The following AXDND1 variants were observed in gnomAD, a reference collection of about 807,000 sequenced individuals.
The protein encoded by AXDND1 is axonemal dynein light chain domain containing 1, also known as axonemal dynein light chain domain-containing protein 1.
A neutral mutation model predicts 137.5 loss-of-function variants in AXDND1; 110 were observed. The observed-to-expected ratio is 0.80, with a 90% CI of 0.69 to 0.94. The LOEUF is 0.94. Ranked by LOEUF, AXDND1 falls within the 40% of genes least tolerant of loss-of-function variation. The pLI, the probability that AXDND1 is intolerant of heterozygous loss-of-function variation, is 0.00. For synonymous variants in AXDND1, 414 were observed against 399.7 expected, an observed-to-expected ratio of 1.04 and a Z score of -0.43; for missense variants, 1,191 against 1,169.8, an observed-to-expected ratio of 1.02 and a Z score of -0.26.
chr1:179,481,914 T>C (rs1025864729), intron 17 of AXDND1, among the ~76,000 whole-genome samples: 22 of 152,306 alleles, frequency 1.4e-4, no homozygotes, highest in Middle Eastern at 3.4e-3. Context: ...TTCTTCTAGT[T>C]GTCTTAGTGC....
chr1:179,536,340 T>G (rs1440241316), intron 25 of AXDND1, among the ~76,000 whole-genome samples: 1 of 152,222 alleles, frequency 6.6e-6, no homozygotes, highest in Non-Finnish European at 1.5e-5. Flanking sequence ...TTTTTATGGT[T>G]TTAGGTCTTA....
At chr1:179,505,806 G>A (rs998575582) in intron 20 of AXDND1, among the ~76,000 whole-genome samples, 4 of 152,122 alleles carry the variant, frequency 2.6e-5, no homozygotes, top group African/African-American at 7.2e-5. Context: ...GGATTATCTA[G>A]TTCCCCAAGA....
chr1:179,416,185 A>C (rs538290848), intron 12 of AXDND1, among the ~76,000 whole-genome samples: 1 of 152,216 alleles, frequency 6.6e-6, no homozygotes, highest in Non-Finnish European at 1.5e-5. Context: ...GATACTTGCA[A>C]TCTTTGTCTT....
At chr1:179,492,816 T>G in intron 19 of AXDND1, 39 bp from the exon 20 acceptor site, 2 of 1,394,544 alleles carry the variant, frequency 1.4e-6, no homozygotes, top group Non-Finnish European at 2.0e-6. Context: ...GAGTGTGTAT[T>G]TGCTCTTTTT....
chr1:179,452,389 C>A (rs1175632769), intron 16 of AXDND1: 1 of 152,254 alleles, frequency 6.6e-6, no homozygotes, highest in African/African-American at 2.4e-5. Flanking sequence ...CCTGACAATG[C>A]GATAGAAAAG....
chr1:179,489,248 T>C (rs1425177755), intron 18 of AXDND1, among the ~76,000 whole-genome samples: 3 of 133,848 alleles, frequency 2.2e-5, no homozygotes, highest in Non-Finnish European at 5.1e-5. Flanking sequence ...TTACATATCT[T>C]TAGGAAAGTA....
rs199753342 is a variant in AXDND1, at chr1:179,551,185, A to G, written c.3032-3327A>G. The G allele has an allele frequency of 2.5e-6, 4 of 1,613,850 alleles. No individual in the cohort carries two copies. In the African/African-American group the frequency reaches 5.3e-5, roughly 22 times the overall value. On this transcript the variant is annotated intron_variant, in intron 25 of 25. Transcript: ENST00000367618. The stretch of plus-strand genomic sequence containing the variant: ...TGCCCCATCCTTCCTATAACATGGG[A>G]GAGTCTTTCTTTTTAGGATTTAGTG...
Position 179,445,154 on chromosome 1 carries a change from A to G in AXDND1, c.1748A>G (p.Asn583Ser), listed in dbSNP as rs780934842. The change falls in exon 16 of 26, where the codon AAC (asparagine) becomes AGC (serine). Residue 583 changes from asparagine (N) to serine (S), a missense_variant. Asn to Ser is a conservative substitution (Grantham distance 46, BLOSUM62 1). Coordinates refer to ENST00000367618, the MANE Select transcript of AXDND1 (RefSeq NM_144696.6). The stretch of plus-strand genomic sequence containing the variant: ...CAGTACATGGAGGAAATTATCAAAA[A>G]CATACAAAAACTCTACAAAGAATAT... ...ERQYMEEIIK[N>S]IQKLYKEYEI... 8.7e-6 allele frequency: 14 copies of G among 1,610,680 alleles called. No homozygotes were observed. The South Asian group carries it at 1.4e-4, about 17-fold the overall frequency.
At chr1:179,478,024 C>T (rs1242546695) in intron 17 of AXDND1, among the ~76,000 whole-genome samples, 2 of 152,192 alleles carry the variant, frequency 1.3e-5, no homozygotes, top group Admixed American at 6.5e-5. Context: ...CCATGTCTCA[C>T]ATCTGGGTCA....
intron 9 of AXDND1, among the ~76,000 whole-genome samples, chr1:179,391,963 C>T (rs1387190776): frequency 6.6e-6 from 1 of 152,170 alleles, no homozygotes; most frequent in Non-Finnish European, 1.5e-5. Flanking sequence ...TTCCTGAGGC[C>T]TCCCCAGCTC....
At chr1:179,553,258 T>C (rs781217147) in intron 25 of AXDND1, among the ~76,000 whole-genome samples, 9 of 152,214 alleles carry the variant, frequency 5.9e-5, no homozygotes, top group Non-Finnish European at 1.2e-4. Flanking sequence ...TACTTCTAGA[T>C]ACAGACCCAA....
intron 16 of AXDND1, chr1:179,448,148 A>G (rs1278797040): frequency 8.3e-6 from 8 of 960,870 alleles, no homozygotes; most frequent in Non-Finnish European, 1.4e-5. Flanking sequence ...CACATGAAGT[A>G]TCAGGGTCTG....
At chr1:179,539,865 T>C (rs991251170) in intron 25 of AXDND1, among the ~76,000 whole-genome samples, 1 of 152,176 alleles carries the variant, frequency 6.6e-6, no homozygotes, top group Non-Finnish European at 1.5e-5. Flanking sequence ...TAGTCCCATA[T>C]TTCTTGGAGG....
At chr1:179,522,908 T>C (rs766027426) in intron 21 of AXDND1, among the ~76,000 whole-genome samples, 30 of 150,210 alleles carry the variant, frequency 2.0e-4, no homozygotes, top group South Asian at 4.3e-4. Flanking sequence ...TATAAAGTAT[T>C]TTGTTATATG....
At chr1:179,403,479 G>A (rs1041853446) in intron 11 of AXDND1, among the ~76,000 whole-genome samples, 1 of 152,340 alleles carries the variant, frequency 6.6e-6, no homozygotes, top group African/African-American at 2.4e-5. Context: ...TACTAAACGT[G>A]ATGGAAATTA....
intron 25 of AXDND1, 57 bp from the exon 26 acceptor site, chr1:179,554,455 G>C (rs770604019): frequency 1.4e-5 from 22 of 1,613,792 alleles, no homozygotes; most frequent in Middle Eastern, 3.3e-4. Flanking sequence ...TACAGTTCTT[G>C]CTAGTTAATT....
At position 179,432,255 on chromosome 1, in the gene AXDND1, TCTTC is replaced by T. The variant is rs751681285; in HGVS notation, c.1488-11_1488-8del. 3 of 1,517,852 alleles carry T rather than the reference TCTTC, an allele frequency of 2.0e-6. No individual in the cohort carries two copies. The highest frequency in any genetic ancestry group is 4.3e-5 in the Admixed American group (2 of 46,308). The allele number at this position is 1,517,852 out of a possible 1,614,324, so 94.0% of individuals were successfully genotyped here. A position where few individuals can be genotyped will look rare whatever the true frequency, so the allele number is the denominator to read the frequency against. The stretch of plus-strand genomic sequence containing the variant: ...TCTGAGATGTTTCTCTTTTTTTTTT[TCTTC>T]TTTTCAGTGAAAAAGACATTTTATC... On this transcript the variant is annotated splice_polypyrimidine_tract_variant and splice_region_variant and intron_variant, in intron 14 of 25. Coordinates refer to ENST00000367618, the MANE Select transcript of AXDND1 (RefSeq NM_144696.6).
chr1:179,443,801 A>G (rs1466271309), intron 15 of AXDND1, among the ~76,000 whole-genome samples: 1 of 152,090 alleles, frequency 6.6e-6, no homozygotes, highest in East Asian at 1.9e-4. Flanking sequence ...TACATTAATA[A>G]CATAATCTTT....
intron 17 of AXDND1, among the ~76,000 whole-genome samples, chr1:179,474,764 G>A (rs781723497): frequency 3.3e-5 from 5 of 152,180 alleles, no homozygotes; most frequent in Non-Finnish European, 7.3e-5. Context: ...AGGAAATAAA[G>A]ACAGCTGCAG....
Sources: allele counts gnomAD v4.1 joint callset (sites outside exome capture counted in the v4.1 genomes callset), GRCh38; gene constraint gnomAD v4.1.1; transcripts MANE v1.5; gene names NCBI Gene and HGNC (gene_info 2026-07-23, HGNC 2026-07-21).